IDH3A: variants seen among roughly 807,000 people sequenced by gnomAD.
IDH3A encodes isocitrate dehydrogenase [NAD] subunit alpha, mitochondrial.
Under a neutral mutation model 43.3 loss-of-function variants are expected in IDH3A, and 23 were observed. The observed-to-expected ratio is 0.53, with a 90% CI of 0.38 to 0.75. The LOEUF is 0.75. Among genes scored for constraint, IDH3A ranks in the 30% least tolerant of loss-of-function variants. The pLI is 0.00. For synonymous variants in IDH3A, 154 were observed against 163.5 expected (o/e 0.94, Z 0.44); for missense variants, 329 against 474.4 (o/e 0.69, Z 2.85).
Position 78,169,845 on chromosome 15 carries a change from A to AACTT in IDH3A, c.*842_*845dup, listed in dbSNP as rs1595875060. 6.6e-6 allele frequency: 1 copy of AACTT among 152,180 alleles called. No homozygotes were observed. The highest frequency in any genetic ancestry group is 1.9e-4 in the East Asian group (1 of 5,202). The allele number at this position is 152,180 out of a possible 1,614,324, so 9.4% of individuals were successfully genotyped here. ...AGCCAGAAGGGCTGAGTGTATTGTA[A>AACTT]ACTTATTCTTGCATGTTGCTGTCTG... On this transcript the variant is annotated 3_prime_UTR_variant, in exon 11 of 11. Transcript: ENST00000299518.
intron 10 of IDH3A, chr15:78,167,865 T>C (rs573095020): frequency 5.9e-5 from 9 of 152,216 alleles, no homozygotes; most frequent in Non-Finnish European, 1.3e-4. Flanking sequence ...GTGGCCAAAA[T>C]ACAAGAAATT....
intron 10 of IDH3A, chr15:78,167,496 T>C (rs1230956109): frequency 3.3e-5 from 5 of 152,216 alleles, no homozygotes; most frequent in East Asian, 1.9e-4. Flanking sequence ...TTAACAAAAA[T>C]TGTGAAAAAT....
At position 78,167,162 on chromosome 15, in the gene IDH3A, ATAAC is replaced by A. The variant is rs542740774; in HGVS notation, c.1017+864_1017+867del. ...GCAATACAGAAGTTTTATAAAAGTA[ATAAC>A]TAATATTAATTGAATACTTATGCAA... On this transcript the variant is annotated intron_variant, in intron 10 of 10. Transcript: ENST00000299518. 1.2e-3 allele frequency among the ~76,000 whole-genome samples: 185 copies of A among 152,370 alleles called. 1 individual carries two copies. Among genetic ancestry groups the A allele is most frequent in the African/African-American group, 4.2e-3 (176 of 41,586 alleles).
At chr15:78,165,129 C>T in intron 9 of IDH3A, 53 bp downstream of exon 9, 1 of 1,063,914 alleles carries the variant, frequency 9.4e-7, no homozygotes. Context: ...CGTGTGAACT[C>T]AGGAGGAGTT....
intron 9 of IDH3A, 51 bp downstream of exon 9, chr15:78,165,127 C>A (rs747115957): frequency 1.8e-6 from 2 of 1,101,702 alleles, no homozygotes; most frequent in Non-Finnish European, 2.8e-6. Context: ...AGCGTGTGAA[C>A]TCAGGAGGAG....
At chr15:78,163,390 G>A (rs78998021) in intron 6 of IDH3A, 117 bp from the exon 7 acceptor site, 13,114 of 648,322 alleles carry the variant, frequency 0.02, 230 homozygotes, top group East Asian at 0.055. Context: ...TTGTAATTGG[G>A]ATCAGGTAGC....
intron 1 of IDH3A, among the ~76,000 whole-genome samples, 183 bp downstream of exon 1, chr15:78,149,613 G>A (rs1239449414): frequency 6.6e-6 from 1 of 152,180 alleles, no homozygotes; most frequent in African/African-American, 2.4e-5. Context: ...GGCTCGCAGT[G>A]TATGGGCCGC....
At chr15:78,156,800 G>T (rs1449833124) in intron 2 of IDH3A, 13 of 861,498 alleles carry the variant, frequency 1.5e-5, no homozygotes, top group Non-Finnish European at 1.8e-5. Context: ...TTTGCCTGAA[G>T]CCTTAGAATA....
At chr15:78,158,463 A>ATATATATATATATATATATATATATAT (rs1212083496) in intron 3 of IDH3A, among the ~76,000 whole-genome samples, 1 of 67,378 alleles carries the variant, frequency 1.5e-5, no homozygotes, top group Non-Finnish European at 3.0e-5. Context: ...ATATATATAT[A>ATATATATATATATATATATATATATAT]TTTTTTTTTT....
chr15:78,155,313 A>T (rs1490289677), intron 2 of IDH3A, 38 bp downstream of exon 2: 5 of 1,384,840 alleles, frequency 3.6e-6, no homozygotes, highest in South Asian at 1.2e-5. Flanking sequence ...TCCTTTTAGA[A>T]GTTTCTCAAG....
At chr15:78,152,123 A>T (rs1280988302) in intron 1 of IDH3A, among the ~76,000 whole-genome samples, 2 of 132,986 alleles carry the variant, frequency 1.5e-5, no homozygotes, top group Non-Finnish European at 3.0e-5. Flanking sequence ...GAATGGTGAG[A>T]TCTTGGCTCA....
Position 78,160,089 on chromosome 15 carries a change from T to G in IDH3A, c.175-3T>G. On this transcript the variant is annotated splice_region_variant and splice_polypyrimidine_tract_variant and intron_variant, in intron 3 of 10. Coordinates refer to ENST00000299518, the MANE Select transcript of IDH3A (RefSeq NM_005530.3). ...TCACTGTGCTCTGTGATGTGGCATC[T>G]AGGCACCTATTCAGTGGGAGGAGCG... 6.4e-7 allele frequency: 1 copy of G among 1,571,416 alleles called. No homozygotes were observed. The highest frequency in any genetic ancestry group is 8.8e-7 in the Non-Finnish European group (1 of 1,141,210).
At position 78,159,902 on chromosome 15, in the gene IDH3A, T is replaced by C. The variant is rs62009339; in HGVS notation, c.175-190T>C. The C allele has an allele frequency of 0.064, 32,094 of 503,392 alleles. 1,453 individuals carry two copies. Among genetic ancestry groups the C allele is most frequent in the South Asian group, 0.18 (7,333 of 41,164 alleles). 31.2% of individuals were successfully genotyped at this position (503,392 alleles called of 1,614,324 possible). A position where few individuals can be genotyped will look rare whatever the true frequency, so the allele number is the denominator to read the frequency against. ...CCCAGCTACTCAGGAGGCTGAGGCA[T>C]GAGAATCGCTGGAACCTGGGAGGCG... is the stretch of plus-strand genomic sequence containing the variant. On this transcript the variant is annotated intron_variant, in intron 3 of 10. Coordinates refer to ENST00000299518, the MANE Select transcript of IDH3A (RefSeq NM_005530.3).
At chr15:78,162,475 G>A in intron 6 of IDH3A, 108 bp downstream of exon 6, 1 of 1,195,518 alleles carries the variant, frequency 8.4e-7, no homozygotes, top group Non-Finnish European at 1.2e-6. Context: ...TAATATCTTT[G>A]AAAAAGAACT....
intron 1 of IDH3A, among the ~76,000 whole-genome samples, chr15:78,153,563 CAGA>C (rs2074597592): frequency 6.6e-6 from 1 of 152,154 alleles, no homozygotes; most frequent in African/African-American, 2.4e-5. Flanking sequence ...CTATAGATAC[CAGA>C]AGATTAGAGA....
chr15:78,158,283 T>C (rs1369466219), intron 3 of IDH3A, among the ~76,000 whole-genome samples: 1 of 151,580 alleles, frequency 6.6e-6, no homozygotes, highest in Non-Finnish European at 1.5e-5. Flanking sequence ...TGTAAGTGGA[T>C]TCAGCTGTAA....
At position 78,171,544 on chromosome 15, in the gene IDH3A, A is replaced by G; in HGVS notation, c.*2539A>G. On this transcript the variant is annotated 3_prime_UTR_variant, in exon 11 of 11. Coordinates refer to ENST00000299518, the MANE Select transcript of IDH3A (RefSeq NM_005530.3). ...CATCGTGGGACCTAAAAGGGAAATG[A>G]GAAGAAATGAGTGAGGCCCAGGCTC... 6.2e-7 allele frequency: 1 copy of G among 1,608,898 alleles called. No homozygotes were observed. Among genetic ancestry groups the G allele is most frequent in the Non-Finnish European group, 8.5e-7 (1 of 1,175,212 alleles).
chr15:78,167,354 C>T (rs1050017067), intron 10 of IDH3A: 31 of 152,170 alleles, frequency 2.0e-4, no homozygotes, highest in African/African-American at 7.5e-4. Flanking sequence ...TATTAACACG[C>T]AGTCTGGGCC....
chr15:78,157,453 A>T, intron 2 of IDH3A, 95 bp from the exon 3 acceptor site: 2 of 845,078 alleles, frequency 2.4e-6, no homozygotes, highest in South Asian at 1.7e-5. Flanking sequence ...TTCCTGAGAC[A>T]TCTCATAAAG....
Sources: gnomAD v4.1 joint callset for allele counts (sites outside exome capture counted in the v4.1 genomes callset) on GRCh38, gnomAD v4.1.1 for gene constraint, MANE v1.5 for transcripts, NCBI Gene and HGNC (gene_info 2026-07-23, HGNC 2026-07-21) for gene names.